ZMYM2: variants seen among roughly 807,000 people sequenced by gnomAD.
ZMYM2 encodes the protein zinc finger MYM-type protein 2.
Under a neutral mutation model 162.8 loss-of-function variants are expected in ZMYM2, and 56 were observed. The observed-to-expected ratio is 0.34, with a 90% CI of 0.28 to 0.43. The LOEUF (loss-of-function observed/expected upper bound fraction) is 0.43. ZMYM2 is among the 20% of genes least tolerant of loss of function. ZMYM2 has a pLI of 1.00. For synonymous variants in ZMYM2, 510 were observed against 541.6 expected (o/e 0.94, Z 0.81); for missense variants, 1,275 against 1,621.8 (o/e 0.79, Z 3.67).
intron 17 of ZMYM2, 134 bp downstream of exon 17, chr13:20,061,358 GTTTTTTA>G: frequency 1.3e-6 from 1 of 782,640 alleles, no homozygotes; most frequent in Non-Finnish European, 1.7e-6. Flanking sequence ...TAACAAAAAT[GTTTTTTA>G]TATTAAGAGA....
chr13:20,049,912 G>A (rs965547458), intron 12 of ZMYM2, among the ~76,000 whole-genome samples: 3 of 151,814 alleles, frequency 2.0e-5, no homozygotes, highest in Non-Finnish European at 2.9e-5. Context: ...TTTTCTTTGA[G>A]CATAAATTAT....
At chr13:20,050,944 T>C (rs1955269549) in intron 12 of ZMYM2, among the ~76,000 whole-genome samples, 1 of 152,040 alleles carries the variant, frequency 6.6e-6, no homozygotes, top group Non-Finnish European at 1.5e-5. Flanking sequence ...CTTTTCAAAT[T>C]TATATTAAAC....
At chr13:20,079,150 C>T (rs1360075158) in intron 21 of ZMYM2, among the ~76,000 whole-genome samples, 3 of 151,348 alleles carry the variant, frequency 2.0e-5, no homozygotes, top group African/African-American at 7.3e-5. Context: ...GAAACCCCGT[C>T]TCTACTAAAA....
At chr13:19,961,865 A>T (rs1955250470) in intron 2 of ZMYM2, among the ~76,000 whole-genome samples, 1 of 152,210 alleles carries the variant, frequency 6.6e-6, no homozygotes, top group African/African-American at 2.4e-5. Flanking sequence ...ATTGGCCTTG[A>T]CTAAATAAGT....
chr13:19,906,353 G>GTA, the ZMYM2 span, among the ~76,000 whole-genome samples: 17 of 134,284 alleles, frequency 1.3e-4, no homozygotes, highest in Middle Eastern at 3.5e-3. Context: ...ATATGTGTGT[G>GTA]TATATATATA....
intron 21 of ZMYM2, among the ~76,000 whole-genome samples, chr13:20,081,358 T>C (rs1179613632): frequency 6.6e-6 from 1 of 152,210 alleles, no homozygotes; most frequent in African/African-American, 2.4e-5. Context: ...TTTTATGTTA[T>C]TTTCTCTTTA....
At chr13:19,946,954 G>T in the ZMYM2 span, among the ~76,000 whole-genome samples, 4 of 152,184 alleles carry the variant, frequency 2.6e-5, no homozygotes, top group African/African-American at 9.6e-5. Context: ...TTATCAGTGT[G>T]CTGCCTCTCT....
chr13:19,956,810 C>G (rs1295012685), upstream of ZMYM2, among the ~76,000 whole-genome samples: 1 of 152,150 alleles, frequency 6.6e-6, no homozygotes, highest in Non-Finnish European at 1.5e-5. Flanking sequence ...GAAGCTACTT[C>G]AATAGGACCT....
the ZMYM2 span, among the ~76,000 whole-genome samples, chr13:19,941,720 C>CCT: frequency 1.6e-5 from 1 of 63,004 alleles, no homozygotes; most frequent in Non-Finnish European, 2.7e-5. Context: ...TGGCTTTCTG[C>CCT]TTTTTTTTTT....
chr13:19,906,291 T>TACACACAC, the ZMYM2 span, among the ~76,000 whole-genome samples: 3 of 95,768 alleles, frequency 3.1e-5, no homozygotes, highest in African/African-American at 1.2e-4. Context: ...AAAGTATATA[T>TACACACAC]ATATATATAT....
chr13:20,009,971 T>G (rs1273898119), intron 6 of ZMYM2, among the ~76,000 whole-genome samples: 6 of 152,332 alleles, frequency 3.9e-5, no homozygotes, highest in African/African-American at 1.4e-4. Flanking sequence ...TTTTACCTTT[T>G]GAAGAATTGT....
the ZMYM2 span, among the ~76,000 whole-genome samples, chr13:19,885,401 T>C: frequency 6.6e-6 from 1 of 152,216 alleles, no homozygotes; most frequent in South Asian, 2.1e-4. Context: ...GTCCCATCTT[T>C]CTTTACTGAA....
chr13:20,001,561 A>C (rs931971239), intron 3 of ZMYM2, among the ~76,000 whole-genome samples: 22 of 152,202 alleles, frequency 1.4e-4, no homozygotes, highest in African/African-American at 3.6e-4. Context: ...TTGAAATGAC[A>C]ACAAAGGATT....
At position 20,082,763 on chromosome 13, in the gene ZMYM2, T is replaced by G. The variant is rs1201851846; in HGVS notation, c.3569-18T>G. 3 of 1,510,310 alleles carry G rather than the reference T, an allele frequency of 2.0e-6. No homozygotes were observed. In the East Asian group the frequency reaches 7.2e-5, roughly 36 times the overall value. 93.6% of individuals were successfully genotyped at this position (1,510,310 alleles called of 1,614,324 possible). ...TTTATTTATTATAATTCTTTTAAAA[T>G]AGTTCTCTCTATTTAAGGGTCAATA... is the stretch of plus-strand genomic sequence containing the variant. On this transcript the variant is annotated intron_variant, in intron 22 of 24. Transcript: ENST00000610343.
intron 2 of ZMYM2, chr13:19,970,012 G>A (rs1009098064): frequency 2.4e-5 from 24 of 984,700 alleles, no homozygotes; most frequent in Non-Finnish European, 2.7e-5. Flanking sequence ...TGCAAGTATT[G>A]TTGTTTCTTT....
the ZMYM2 span, among the ~76,000 whole-genome samples, chr13:19,914,496 A>C: frequency 0.011 from 1,721 of 152,328 alleles, 29 homozygotes; most frequent in African/African-American, 0.033. Flanking sequence ...ACCAACACTG[A>C]GTCCCTGATA....
intron 1 of ZMYM2, among the ~76,000 whole-genome samples, chr13:19,959,696 G>A (rs1954966493): frequency 6.6e-6 from 1 of 152,108 alleles, no homozygotes; most frequent in Non-Finnish European, 1.5e-5. Context: ...CTCCCTTCCC[G>A]GGAGCAGGCT....
intron 21 of ZMYM2, among the ~76,000 whole-genome samples, chr13:20,072,808 A>C (rs989618353): frequency 6.6e-6 from 1 of 151,968 alleles, no homozygotes; most frequent in Non-Finnish European, 1.5e-5. Flanking sequence ...GAAATGATGC[A>C]TTTCATCAAA....
At chr13:19,891,455 GTT>G in the ZMYM2 span, among the ~76,000 whole-genome samples, 513 of 144,220 alleles carry the variant, frequency 3.6e-3, 1 homozygote, top group South Asian at 0.027. Context: ...CCGTGTGACA[GTT>G]TTTTTTTTTT....
Sources: gnomAD v4.1 joint callset for allele counts (sites outside exome capture counted in the v4.1 genomes callset) on GRCh38, gnomAD v4.1.1 for gene constraint, MANE v1.5 for transcripts, NCBI Gene and HGNC (gene_info 2026-07-23, HGNC 2026-07-21) for gene names.